MAOB: variants seen among roughly 807,000 people sequenced by gnomAD.
MAOB encodes the protein amine oxidase [flavin-containing] B.
A neutral mutation model predicts 41.9 loss-of-function variants in MAOB; 15 were observed. The ratio of observed to expected loss-of-function variants is 0.36; its 90% confidence interval spans 0.24 to 0.55. The LOEUF is 0.55. Among genes scored for constraint, MAOB ranks in the 20% least tolerant of loss-of-function variants. MAOB has a pLI of 0.86. For missense variants in MAOB, 345 were observed against 398.7 expected (o/e 0.87, Z 1.15); for synonymous variants, 167 against 144.2 (o/e 1.16, Z -1.13).
At chrX:43,853,561 G>A (rs1384488410) in intron 1 of MAOB, among the ~76,000 whole-genome samples, 1 of 111,730 alleles carries the variant, frequency 9.0e-6, no homozygotes, top group Non-Finnish European at 1.9e-5. Flanking sequence ...AACCCCCTAG[G>A]ACCTCAGAAT....
At chrX:43,781,643 A>G in intron 8 of MAOB, 99 bp from the exon 9 acceptor site, 1 of 433,021 alleles carries the variant, frequency 2.3e-6, no homozygotes, top group Non-Finnish European at 3.8e-6. Flanking sequence ...AGAAGCCCAA[A>G]GGCCAAATAA....
chrX:43,871,240 C>G (rs1338714618), intron 1 of MAOB, among the ~76,000 whole-genome samples: 1 of 111,536 alleles, frequency 9.0e-6, no homozygotes, highest in Non-Finnish European at 1.9e-5. Flanking sequence ...TGTGAGCCAG[C>G]AGCAGCCAAC....
At chrX:43,775,051 G>GT (rs2034235074) in intron 12 of MAOB, 124 bp downstream of exon 12, 1 of 734,527 alleles carries the variant, frequency 1.4e-6, no homozygotes, top group African/African-American at 2.6e-5. Flanking sequence ...AAGGAAATTG[G>GT]GTTGTTTTTT....
At position 43,836,285 on chromosome X, in the gene MAOB, T is replaced by A. The variant is rs1279766025; in HGVS notation, c.279+2583A>T. 6.3e-5 allele frequency among the ~76,000 whole-genome samples: 7 copies of A among 111,621 alleles called. No homozygotes were observed. In the Admixed American group the frequency reaches 6.6e-4, roughly 11 times the overall value. ...AGCCATCCAAGATGCTTTTTACAGG[T>A]CAAAAATGAGAAAAATGACGTATAC... is the stretch of plus-strand genomic sequence containing the variant. On this transcript the variant is annotated intron_variant, in intron 3 of 14. Transcript: ENST00000378069.
At chrX:43,797,493 T>G (rs1255168976) in intron 5 of MAOB, among the ~76,000 whole-genome samples, 2 of 112,239 alleles carry the variant, frequency 1.8e-5, no homozygotes, top group African/African-American at 6.5e-5. Flanking sequence ...TCAGCTTCTA[T>G]TCCAGATTCT....
intron 8 of MAOB, among the ~76,000 whole-genome samples, chrX:43,782,190 T>C (rs923401074): frequency 9.1e-6 from 1 of 110,329 alleles, no homozygotes; most frequent in Admixed American, 9.7e-5. Context: ...AAAAAATCAA[T>C]GAATCCAGGA....
rs2147115722 is a variant in MAOB at position 43,767,429 on chromosome X, A to G, written c.*37T>C. On this transcript the variant is annotated 3_prime_UTR_variant, in exon 15 of 15. Coordinates refer to ENST00000378069, the MANE Select transcript of MAOB (RefSeq NM_000898.5). ...TTCCCCAAACTCATATCCCAAATAC[A>G]GTAAGAAGAGAGTGTGATTACAGAC... The G allele has an allele frequency of 8.6e-7, 1 of 1,169,140 alleles. No homozygotes were observed. Among genetic ancestry groups the G allele is most frequent in the South Asian group, 1.9e-5 (1 of 52,136 alleles).
At chrX:43,780,703 G>A (rs769245194) in intron 9 of MAOB, among the ~76,000 whole-genome samples, 3 of 111,378 alleles carry the variant, frequency 2.7e-5, no homozygotes, top group Non-Finnish European at 3.8e-5. Context: ...AATAACCCTT[G>A]GGCCTCAGAT....
At chrX:43,873,224 T>C (rs755932954) in intron 1 of MAOB, among the ~76,000 whole-genome samples, 1 of 111,798 alleles carries the variant, frequency 8.9e-6, no homozygotes, top group East Asian at 2.8e-4. Flanking sequence ...TAATTATCAA[T>C]ACACAATTTA....
intron 1 of MAOB, among the ~76,000 whole-genome samples, chrX:43,879,018 A>G (rs1184644359): frequency 8.9e-6 from 1 of 111,961 alleles, no homozygotes; most frequent in East Asian, 2.8e-4. Context: ...GAACTATTCC[A>G]GAATTGCAAA....
At chrX:43,776,125 G>A (rs1402239649) in intron 11 of MAOB, among the ~76,000 whole-genome samples, 1 of 111,874 alleles carries the variant, frequency 8.9e-6, no homozygotes, top group East Asian at 2.8e-4. Context: ...AGCACCTGAC[G>A]GCTACATCCA....
intron 3 of MAOB, among the ~76,000 whole-genome samples, chrX:43,817,307 C>T (rs779023769): frequency 2.7e-4 from 30 of 110,403 alleles, no homozygotes; most frequent in African/African-American, 9.9e-4. Context: ...AAGCAGATTG[C>T]CCGAAATCAG....
At chrX:43,868,563 T>C (rs2035379942) in intron 1 of MAOB, among the ~76,000 whole-genome samples, 2 of 111,579 alleles carry the variant, frequency 1.8e-5, no homozygotes. Flanking sequence ...TTTCAGACAC[T>C]GACGGTTCCT....
chrX:43,838,038 G>C (rs1006884127), intron 3 of MAOB: 7 of 322,760 alleles, frequency 2.2e-5, no homozygotes, highest in African/African-American at 1.9e-4. Context: ...GGGATGCTTT[G>C]ATCTAAGAGG....
At chrX:43,802,677 A>G (rs28368734) in intron 4 of MAOB, among the ~76,000 whole-genome samples, 4,766 of 111,058 alleles carry the variant, frequency 0.043, 260 homozygotes, top group African/African-American at 0.15. Flanking sequence ...GTGTGTTCAG[A>G]AACAGAAAAC....
At chrX:43,840,004 T>C (rs1324463978) in intron 2 of MAOB, among the ~76,000 whole-genome samples, 1 of 111,879 alleles carries the variant, frequency 8.9e-6, no homozygotes, top group Admixed American at 9.5e-5. Flanking sequence ...AGCTTTTGAT[T>C]GGAGTAGGAA....
At chrX:43,813,651 C>G (rs1601998039) in intron 3 of MAOB, among the ~76,000 whole-genome samples, 1 of 111,943 alleles carries the variant, frequency 8.9e-6, no homozygotes, top group South Asian at 3.8e-4. Flanking sequence ...GCTGTCCCTC[C>G]TGTTCCCATG....
At chrX:43,833,721 CAT>C (rs1477814694) in intron 3 of MAOB, among the ~76,000 whole-genome samples, 3 of 112,117 alleles carry the variant, frequency 2.7e-5, no homozygotes, top group Non-Finnish European at 5.6e-5. Flanking sequence ...TACCCACAAC[CAT>C]AGTCACTGTT....
At chrX:43,793,299 C>G (rs745771148) in intron 8 of MAOB, 120 bp downstream of exon 8, 4 of 509,983 alleles carry the variant, frequency 7.8e-6, no homozygotes, top group African/African-American at 7.3e-5. Context: ...ATCCATGTAA[C>G]AAATCTGCAC....
Sources: gnomAD v4.1 joint callset for allele counts (sites outside exome capture counted in the v4.1 genomes callset) on GRCh38, gnomAD v4.1.1 for gene constraint, MANE v1.5 for transcripts, NCBI Gene and HGNC (gene_info 2026-07-23, HGNC 2026-07-21) for gene names.